Variants in ADAMTS6 observed in about 807,000 individuals in gnomAD.
The protein encoded by ADAMTS6 is A disintegrin and metalloproteinase with thrombospondin motifs 6.
Under a neutral mutation model 144.3 loss-of-function variants are expected in ADAMTS6, and 23 were observed. That is an observed-to-expected ratio of 0.16 (90% CI 0.11 to 0.23). The LOEUF (loss-of-function observed/expected upper bound fraction) is 0.23. Among genes scored for constraint, ADAMTS6 ranks in the 10% least tolerant of loss-of-function variants. The pLI, the probability that ADAMTS6 is intolerant of heterozygous loss-of-function variation, is 1.00. For synonymous variants in ADAMTS6, 444 were observed against 457.5 expected (o/e 0.97, Z 0.38); for missense variants, 999 against 1,379.6 (o/e 0.72, Z 4.37).
chr5:65,169,426 A>C (rs1228983987), intron 24 of ADAMTS6, among the ~76,000 whole-genome samples: 2 of 140,464 alleles, frequency 1.4e-5, no homozygotes, highest in Non-Finnish European at 3.1e-5. Flanking sequence ...GAACACTTTT[A>C]CACTGTTGGT....
chr5:65,290,642 A>T (rs1216645566), intron 11 of ADAMTS6, among the ~76,000 whole-genome samples: 1 of 152,128 alleles, frequency 6.6e-6, no homozygotes, highest in Non-Finnish European at 1.5e-5. Context: ...TTAAAAACCA[A>T]TTTTTTCATT....
chr5:65,312,714 A>C (rs1390879540), intron 9 of ADAMTS6, among the ~76,000 whole-genome samples: 1 of 152,034 alleles, frequency 6.6e-6, no homozygotes. Flanking sequence ...TTAAGTTTCC[A>C]ATAGTCAAAG....
At chr5:65,271,381 A>C (rs1233721904) in intron 12 of ADAMTS6, among the ~76,000 whole-genome samples, 2 of 150,960 alleles carry the variant, frequency 1.3e-5, no homozygotes, top group Admixed American at 1.3e-4. Flanking sequence ...CCGTCTAAAA[A>C]AAAAAAAAAA....
At chr5:65,435,471 T>TAA (rs1757316453) in intron 7 of ADAMTS6, among the ~76,000 whole-genome samples, 1 of 152,148 alleles carries the variant, frequency 6.6e-6, no homozygotes. Flanking sequence ...TGGAATGTCT[T>TAA]AAGTTACTTA....
chr5:65,227,765 C>CAAGAG (rs1408495641), intron 15 of ADAMTS6, among the ~76,000 whole-genome samples: 1 of 152,082 alleles, frequency 6.6e-6, no homozygotes. Flanking sequence ...TCTGTTTTTT[C>CAAGAG]AAGAGAAGAT....
At chr5:65,340,561 CA>C (rs1479803853) in intron 7 of ADAMTS6, among the ~76,000 whole-genome samples, 1 of 151,644 alleles carries the variant, frequency 6.6e-6, no homozygotes, top group African/African-American at 2.4e-5. Context: ...AATGATAAAC[CA>C]AATAACTGGA....
chr5:65,401,283 C>G (rs1206947047), intron 7 of ADAMTS6, among the ~76,000 whole-genome samples: 2 of 152,178 alleles, frequency 1.3e-5, no homozygotes, highest in Non-Finnish European at 2.9e-5. Context: ...TCTTTTTTCT[C>G]CCCTTTTAGG....
chr5:65,438,306 T>G (rs944358098), intron 7 of ADAMTS6, among the ~76,000 whole-genome samples: 1 of 152,192 alleles, frequency 6.6e-6, no homozygotes, highest in Non-Finnish European at 1.5e-5. Context: ...GGCAGGTGGA[T>G]CACCTGAGGT....
chr5:65,239,263 T>TTAA (rs750012170), intron 15 of ADAMTS6, among the ~76,000 whole-genome samples: 3 of 142,864 alleles, frequency 2.1e-5, no homozygotes, highest in Admixed American at 7.0e-5. Flanking sequence ...ACTTAATGTA[T>TTAA]AAAAAAAAAA....
intron 24 of ADAMTS6, among the ~76,000 whole-genome samples, chr5:65,160,834 T>G (rs1752726275): frequency 6.6e-6 from 1 of 151,440 alleles, no homozygotes; most frequent in Non-Finnish European, 1.5e-5. Context: ...GTATTTTTAG[T>G]AGAGACAGGG....
intron 4 of ADAMTS6, among the ~76,000 whole-genome samples, chr5:65,458,127 A>T (rs1484338716): frequency 2.0e-5 from 3 of 152,104 alleles, no homozygotes; most frequent in Non-Finnish European, 4.4e-5. Context: ...TTCATTACTC[A>T]ATATAAAGAC....
At chr5:65,316,012 G>A (rs1744960269) in intron 9 of ADAMTS6, among the ~76,000 whole-genome samples, 1 of 152,056 alleles carries the variant, frequency 6.6e-6, no homozygotes, top group African/African-American at 2.4e-5. Flanking sequence ...CCCGGGTTCA[G>A]GCAATTCTCT....
At chr5:65,322,566 T>G (rs959557662) in intron 9 of ADAMTS6, among the ~76,000 whole-genome samples, 4 of 150,102 alleles carry the variant, frequency 2.7e-5, no homozygotes, top group South Asian at 2.1e-4. Flanking sequence ...ATGTAGTTTT[T>G]TTTTTTTTTT....
chr5:65,388,897 T>A (rs1403517475), intron 7 of ADAMTS6, among the ~76,000 whole-genome samples: 1 of 152,080 alleles, frequency 6.6e-6, no homozygotes, highest in Admixed American at 6.6e-5. Context: ...CTCAAAAAAG[T>A]CACAATGCTA....
chr5:65,253,404 A>C (rs1377214477), intron 14 of ADAMTS6, among the ~76,000 whole-genome samples: 2 of 152,180 alleles, frequency 1.3e-5, no homozygotes, highest in Non-Finnish European at 2.9e-5. Flanking sequence ...GTTTCAAGAA[A>C]AGTTTTGGGA....
chr5:65,377,616 G>A (rs1751678893), intron 7 of ADAMTS6, among the ~76,000 whole-genome samples: 1 of 152,108 alleles, frequency 6.6e-6, no homozygotes, highest in Non-Finnish European at 1.5e-5. Context: ...TTGACTCTAT[G>A]TACCTCATTT....
intron 10 of ADAMTS6, chr5:65,297,201 G>T (rs1450878870): frequency 2.2e-6 from 1 of 456,092 alleles, no homozygotes; most frequent in East Asian, 7.0e-5. Context: ...GACGGCTTCT[G>T]GGCGATTCAT....
chr5:65,253,241 C>T (rs1760339665), intron 14 of ADAMTS6, among the ~76,000 whole-genome samples: 1 of 152,150 alleles, frequency 6.6e-6, no homozygotes, highest in Non-Finnish European at 1.5e-5. Flanking sequence ...CATTAGAAAA[C>T]ACACAGCAAG....
At chr5:65,297,448 T>C (rs1742948517) in intron 10 of ADAMTS6, among the ~76,000 whole-genome samples, 1 of 152,290 alleles carries the variant, frequency 6.6e-6, no homozygotes, top group Non-Finnish European at 1.5e-5. Context: ...AGCTACTAAG[T>C]AGAGAAAGGT....
Sources: gnomAD v4.1 joint callset for allele counts (sites outside exome capture counted in the v4.1 genomes callset) on GRCh38, gnomAD v4.1.1 for gene constraint, MANE v1.5 for transcripts, NCBI Gene and HGNC (gene_info 2026-07-23, HGNC 2026-07-21) for gene names.